Variants in DISC1 observed in about 807,000 individuals in gnomAD.
DISC1 encodes disrupted in schizophrenia 1 protein.
In DISC1, 57 loss-of-function variants were observed where a neutral mutation model predicts 84.5. That is an observed-to-expected ratio of 0.67 (90% CI 0.55 to 0.84). The LOEUF is 0.84. Ranked by LOEUF, DISC1 falls within the 40% of genes least tolerant of loss-of-function variation. The pLI is 0.00. For missense variants in DISC1, 1,000 were observed against 1,057.8 expected (o/e 0.95, Z 0.76); for synonymous variants, 411 against 415.2 (o/e 0.99, Z 0.12).
intron 5 of DISC1, among the ~76,000 whole-genome samples, chr1:231,768,802 C>G (rs1231334068): frequency 6.6e-6 from 1 of 152,156 alleles, no homozygotes; most frequent in Non-Finnish European, 1.5e-5. Context: ...GTGATAAGAG[C>G]TTCACAGAGT....
chr1:231,997,531 G>A (rs1388558937), intron 10 of DISC1, among the ~76,000 whole-genome samples: 4 of 152,110 alleles, frequency 2.6e-5, no homozygotes, highest in African/African-American at 9.7e-5. Flanking sequence ...CATTGCTGAG[G>A]AAGGCCAATC....
intron 9 of DISC1, among the ~76,000 whole-genome samples, chr1:231,835,800 T>C (rs1219094200): frequency 2.6e-5 from 4 of 152,216 alleles, no homozygotes; most frequent in Non-Finnish European, 5.9e-5. Context: ...TGATTAATAG[T>C]GGACCAAGAA....
chr1:232,033,627 G>A (rs1036191930), intron 12 of DISC1, among the ~76,000 whole-genome samples: 1 of 152,198 alleles, frequency 6.6e-6, no homozygotes, highest in Non-Finnish European at 1.5e-5. Context: ...ATTCACTCCT[G>A]TGCTGCTGTG....
intron 6 of DISC1, among the ~76,000 whole-genome samples, chr1:231,785,318 C>T (rs544543480): frequency 1.8e-3 from 269 of 151,010 alleles, no homozygotes; most frequent in Non-Finnish European, 2.5e-3. Context: ...CTTGCTTTGT[C>T]ACCCAGGCTG....
rs915825683 is a variant in DISC1, at chr1:232,036,607, C to T, written c.2426-85C>T. The T allele has an allele frequency of 2.6e-5, 34 of 1,324,390 alleles. No homozygotes were observed. In the African/African-American group the frequency reaches 4.6e-4, roughly 18 times the overall value. The allele number at this position is 1,324,390 out of a possible 1,614,324, so 82.0% of individuals were successfully genotyped here. The stretch of plus-strand genomic sequence containing the variant: ...TTAGGTGTCAGTACCCATCTGCTTC[C>T]AGCAGGCTCACACGCTCTTCGATCC... On this transcript the variant is annotated intron_variant, in intron 12 of 12. Transcript: ENST00000439617.
intron 9 of DISC1, among the ~76,000 whole-genome samples, chr1:231,942,429 C>T (rs191989412): frequency 1.1e-4 from 17 of 152,260 alleles, no homozygotes; most frequent in Non-Finnish European, 2.1e-4. Flanking sequence ...TTTGGGAGGC[C>T]AAGGCGGGCA....
intron 6 of DISC1, among the ~76,000 whole-genome samples, chr1:231,780,098 G>T (rs941624503): frequency 3.3e-5 from 5 of 151,864 alleles, no homozygotes; most frequent in African/African-American, 4.8e-5. Flanking sequence ...GGGCTGGGGG[G>T]AGGGGCGAGG....
chr1:231,938,072 C>T (rs1323084814), intron 9 of DISC1, among the ~76,000 whole-genome samples: 1 of 152,026 alleles, frequency 6.6e-6, no homozygotes, highest in African/African-American at 2.4e-5. Flanking sequence ...GGTTCTGTCC[C>T]CAGCTGGGTT....
In DISC1 at chr1:231,646,407, C is replaced by T. The variant is rs148963940; in HGVS notation, c.67+19473C>T. On this transcript the variant is annotated intron_variant, in intron 1 of 12. Transcript: ENST00000439617. The stretch of plus-strand genomic sequence containing the variant: ...TTTTCTTAATCCAGTCTATCATTGA[C>T]GGACATTTGGGTTGGTTCCAAGTTT... Among the ~76,000 whole-genome samples, 436 of 152,168 alleles carry T rather than the reference C, an allele frequency of 2.9e-3. 7 individuals carry two copies. The highest frequency in any genetic ancestry group is 9.6e-3 in the East Asian group (50 of 5,184).
At chr1:232,022,870 T>C (rs201124185) in intron 11 of DISC1, among the ~76,000 whole-genome samples, 8 of 152,106 alleles carry the variant, frequency 5.3e-5, no homozygotes, top group Non-Finnish European at 1.0e-4. Context: ...GACCAACAAG[T>C]AGAGGTTCCT....
chr1:231,876,660 C>A (rs1194743365), intron 9 of DISC1, among the ~76,000 whole-genome samples: 1 of 152,166 alleles, frequency 6.6e-6, no homozygotes, highest in Non-Finnish European at 1.5e-5. Flanking sequence ...ACACTCCACA[C>A]GTTTTAGCAT....
At chr1:231,728,393 G>C (rs990711445) in intron 3 of DISC1, among the ~76,000 whole-genome samples, 1 of 152,138 alleles carries the variant, frequency 6.6e-6, no homozygotes, top group South Asian at 2.1e-4. Context: ...AGGCACAATC[G>C]CCCACTGTCT....
At chr1:231,923,884 T>G (rs1012409365) in intron 9 of DISC1, among the ~76,000 whole-genome samples, 8 of 152,180 alleles carry the variant, frequency 5.3e-5, no homozygotes, top group Admixed American at 5.2e-4. Flanking sequence ...GCTTCGTTTT[T>G]GGGCCAGAGA....
chr1:231,824,875 T>TATCCATCC (rs67972870), intron 9 of DISC1, among the ~76,000 whole-genome samples: 8,038 of 149,970 alleles, frequency 0.054, 254 homozygotes, highest in Middle Eastern at 0.13. Context: ...GTTGCATTTC[T>TATCCATCC]ATCCATCCAT....
chr1:231,787,812 C>T (rs2078009329), intron 6 of DISC1, among the ~76,000 whole-genome samples: 1 of 152,172 alleles, frequency 6.6e-6, no homozygotes, highest in South Asian at 2.1e-4. Flanking sequence ...ACCACTGGTG[C>T]CCTTTGCCCA....
intron 6 of DISC1, among the ~76,000 whole-genome samples, chr1:231,784,530 A>G (rs1237900455): frequency 7.2e-5 from 11 of 152,224 alleles, no homozygotes; most frequent in African/African-American, 2.2e-4. Flanking sequence ...CCAGAGAGAA[A>G]AACTCTAAAT....
At chr1:231,685,381 A>G (rs1279059381) in intron 1 of DISC1, among the ~76,000 whole-genome samples, 1 of 152,126 alleles carries the variant, frequency 6.6e-6, no homozygotes, top group Non-Finnish European at 1.5e-5. Flanking sequence ...GCTTAATTAG[A>G]CTTACAGTTC....
chr1:231,728,846 A>G (rs2071118965), intron 3 of DISC1, among the ~76,000 whole-genome samples: 1 of 152,058 alleles, frequency 6.6e-6, no homozygotes, highest in African/African-American at 2.4e-5. Context: ...AGGCATATAT[A>G]TATATTTTTA....
intron 3 of DISC1, among the ~76,000 whole-genome samples, chr1:231,739,431 A>C (rs550624541): frequency 1.1e-3 from 172 of 152,258 alleles, no homozygotes; most frequent in African/African-American, 4.1e-3. Context: ...CCTCATCCCC[A>C]GGCCCTGGCA....
Sources: gnomAD v4.1 joint callset for allele counts (sites outside exome capture counted in the v4.1 genomes callset) on GRCh38, gnomAD v4.1.1 for gene constraint, MANE v1.5 for transcripts, NCBI Gene and HGNC (gene_info 2026-07-23, HGNC 2026-07-21) for gene names.